CEP128: variants seen among roughly 807,000 people sequenced by gnomAD.
CEP128 encodes the protein centrosomal protein 128kDa.
Under a neutral mutation model 156.7 loss-of-function variants are expected in CEP128, and 132 were observed. The ratio of observed to expected loss-of-function variants is 0.84; its 90% CI spans 0.73 to 0.97. The LOEUF (loss-of-function observed/expected upper bound fraction) is 0.97. Ranked by LOEUF, CEP128 falls within the 50% of genes least tolerant of loss-of-function variation. The pLI, the probability that CEP128 is intolerant of heterozygous loss-of-function variation, is 0.00. For synonymous variants in CEP128, 469 were observed against 448.9 expected, an observed-to-expected ratio of 1.04 and a Z score of -0.57; for missense variants, 1,252 against 1,281.9, an observed-to-expected ratio of 0.98 and a Z score of 0.36.
intron 19 of CEP128, among the ~76,000 whole-genome samples, chr14:80,652,401 C>A (rs1043563238): frequency 6.6e-6 from 1 of 152,058 alleles, no homozygotes; most frequent in African/African-American, 2.4e-5. Flanking sequence ...TCAGAGTGAA[C>A]AGGCAACCTA....
intron 19 of CEP128, among the ~76,000 whole-genome samples, chr14:80,720,050 A>G (rs1897756659): frequency 6.6e-6 from 1 of 152,096 alleles, no homozygotes; most frequent in Non-Finnish European, 1.5e-5. Context: ...AGGAGGTGAC[A>G]TTTCAACTGA....
chr14:80,758,540 A>G (rs1489097949), intron 17 of CEP128, among the ~76,000 whole-genome samples: 6 of 143,394 alleles, frequency 4.2e-5, no homozygotes, highest in Non-Finnish European at 9.2e-5. Flanking sequence ...AAAAAAAAAA[A>G]CCATTTAACG....
chr14:80,743,352 T>C (rs2139598821), intron 18 of CEP128, 85 bp from the exon 19 acceptor site: 2 of 1,129,970 alleles, frequency 1.8e-6, no homozygotes, highest in South Asian at 1.5e-5. Context: ...ATAAGTAACA[T>C]AATTTGAACA....
chr14:80,527,283 A>C lies in CEP128; in HGVS notation c.2959-301T>G, dbSNP rs766789958. 238 of 466,042 alleles carry C rather than the reference A, an allele frequency of 5.1e-4. 1 individual carries two copies. In the Middle Eastern group the frequency reaches 5.2e-3, roughly 10 times the overall value. The allele number at this position is 466,042 out of a possible 1,614,324, so 28.9% of individuals were successfully genotyped here. Reference sequence around the variant, plus strand: ...ACCTCTACAAAAAAATACAAAAACTAGTCAGATATGGTGGTGCATGGCTGT... The same window carrying C: ...ACCTCTACAAAAAAATACAAAAACTCGTCAGATATGGTGGTGCATGGCTGT... On this transcript the variant is annotated intron_variant, in intron 22 of 24. Coordinates refer to ENST00000555265, the MANE Select transcript of CEP128 (RefSeq NM_152446.5).
rs778415802 is a variant in CEP128, at chr14:80,784,972, C to A, written c.2134G>T (p.Glu712Ter). The change falls in exon 15 of 25, where the codon GAA becomes TAA. Residue 712 changes from glutamate (E) to a stop codon, truncating the protein, a stop_gained. Transcript: ENST00000555265. LOFTEE classifies it high-confidence loss of function. ...TTCATAAGCTCCTGGATATTCTGTTCGTGTTTTGTTTTCACACTCTGCAAT... is the reference window on the plus strand; with the variant it reads ...TTCATAAGCTCCTGGATATTCTGTTAGTGTTTTGTTTTCACACTCTGCAAT... ...SSLQSVKTKHEQNIQELMKHF... is the reference protein window; with the variant it reads ...SSLQSVKTKH 1 of 1,614,066 alleles carries A rather than the reference C, an allele frequency of 6.2e-7. No individual in the cohort carries two copies. Among genetic ancestry groups the A allele is most frequent in the Admixed American group, 1.7e-5 (1 of 60,022 alleles).
chr14:80,611,807 C>G (rs1893005205), intron 19 of CEP128, among the ~76,000 whole-genome samples: 1 of 152,142 alleles, frequency 6.6e-6, no homozygotes, highest in Non-Finnish European at 1.5e-5. Context: ...CACCTGTAAT[C>G]CCAGCAGTTT....
At chr14:80,605,538 T>C (rs1044858999) in intron 19 of CEP128, among the ~76,000 whole-genome samples, 19 of 152,100 alleles carry the variant, frequency 1.2e-4, no homozygotes, top group African/African-American at 3.9e-4. Flanking sequence ...AATTCTTCTA[T>C]ATCTTCTTAT....
At chr14:80,486,372 A>C (rs1427246115), downstream of CEP128, among the ~76,000 whole-genome samples, 1 of 152,148 alleles carries the variant, frequency 6.6e-6, no homozygotes, top group African/African-American at 2.4e-5. Context: ...GACTATGTGA[A>C]AAGACCAAAT....
intron 19 of CEP128, among the ~76,000 whole-genome samples, chr14:80,713,452 G>A (rs958823881): frequency 2.0e-5 from 3 of 151,940 alleles, no homozygotes; most frequent in African/African-American, 7.3e-5. Flanking sequence ...TTCTTCACCT[G>A]GCAAACTCCT....
chr14:80,895,971 C>T (rs1889334307), intron 7 of CEP128, among the ~76,000 whole-genome samples, 181 bp from the exon 8 acceptor site: 1 of 152,048 alleles, frequency 6.6e-6, no homozygotes, highest in South Asian at 2.1e-4. Flanking sequence ...GGATCCCGCC[C>T]CCCAGATTTC....
intron 12 of CEP128, among the ~76,000 whole-genome samples, chr14:80,834,048 C>G (rs1774424432): frequency 6.6e-6 from 1 of 152,014 alleles, no homozygotes; most frequent in Non-Finnish European, 1.5e-5. Flanking sequence ...ATGAGCAACT[C>G]CATTTGGAGG....
intron 19 of CEP128, among the ~76,000 whole-genome samples, chr14:80,584,818 C>T (rs1334033832): frequency 1.3e-5 from 2 of 152,162 alleles, no homozygotes; most frequent in East Asian, 3.8e-4. Context: ...TGAAGGGCTG[C>T]TCTGCTCTTC....
chr14:80,644,337 T>C (rs374322503), intron 19 of CEP128, among the ~76,000 whole-genome samples: 103 of 152,320 alleles, frequency 6.8e-4, no homozygotes, highest in African/African-American at 2.4e-3. Flanking sequence ...CATATGCACA[T>C]TGGAGATAAA....
At chr14:80,613,335 C>T (rs1893080203) in intron 19 of CEP128, among the ~76,000 whole-genome samples, 1 of 112,112 alleles carries the variant, frequency 8.9e-6, no homozygotes, top group African/African-American at 3.5e-5. Context: ...CGGAGTCTCG[C>T]TCTGTCGCCC....
In CEP128 at chr14:80,787,400, C is replaced by A. The variant is rs571313632; in HGVS notation, c.1561-1855G>T. On this transcript the variant is annotated intron_variant, in intron 14 of 24. Transcript: ENST00000555265. Reference sequence around the variant, plus strand: ...GACTCTGCCATCTTCAAAGCTTGAACAGCTTGATGAATCCTTCCGAAGCTC... The same window carrying A: ...GACTCTGCCATCTTCAAAGCTTGAAAAGCTTGATGAATCCTTCCGAAGCTC... 1.6e-3 allele frequency among the ~76,000 whole-genome samples: 242 copies of A among 152,214 alleles called. 1 individual carries two copies. The highest frequency in any genetic ancestry group is 5.7e-3 in the African/African-American group (236 of 41,544).
intron 17 of CEP128, among the ~76,000 whole-genome samples, chr14:80,759,154 C>A (rs532231785): frequency 1.3e-5 from 2 of 152,220 alleles, no homozygotes; most frequent in African/African-American, 4.8e-5. Flanking sequence ...TTGTAGTGTA[C>A]GTCTGTCCTT....
intron 19 of CEP128, among the ~76,000 whole-genome samples, chr14:80,705,763 T>C (rs1051773744): frequency 1.3e-5 from 2 of 152,186 alleles, no homozygotes; most frequent in Non-Finnish European, 2.9e-5. Flanking sequence ...GAGAGCCATA[T>C]GTGGATTCTC....
chr14:80,587,027 T>C (rs972691638), intron 19 of CEP128, among the ~76,000 whole-genome samples: 1 of 151,376 alleles, frequency 6.6e-6, no homozygotes, highest in South Asian at 2.1e-4. Context: ...AGAAGCATTA[T>C]ATACGTATTA....
chr14:80,812,551 C>T (rs191801814), intron 13 of CEP128, among the ~76,000 whole-genome samples: 188 of 152,238 alleles, frequency 1.2e-3, no homozygotes, highest in Non-Finnish European at 1.1e-3. Context: ...TTCTCCATAA[C>T]CTTGCCTCTG....
Sources: allele counts gnomAD v4.1 joint callset (sites outside exome capture counted in the v4.1 genomes callset), GRCh38; gene constraint gnomAD v4.1.1; transcripts MANE v1.5; gene names NCBI Gene and HGNC (gene_info 2026-07-23, HGNC 2026-07-21).